PPME1: variants seen among roughly 807,000 people sequenced by gnomAD.
The protein encoded by PPME1 is testicular secretory protein Li 39.
A neutral mutation model predicts 56.9 loss-of-function variants in PPME1; 17 were observed. The ratio of observed to expected loss-of-function variants is 0.30; its 90% CI spans 0.20 to 0.45. PPME1 has a LOEUF of 0.45. Among genes scored for constraint, PPME1 ranks in the 20% least tolerant of loss-of-function variants. The probability of loss-of-function intolerance (pLI) is 1.00; values close to 1 mark genes in which losing one functional copy is unlikely to be tolerated. For missense variants in PPME1, 357 were observed against 483.2 expected, an observed-to-expected ratio of 0.74 and a Z score of 2.45; for synonymous variants, 122 against 156.2, an observed-to-expected ratio of 0.78 and a Z score of 1.63.
intron 13 of PPME1, chr11:74,252,472 T>G (rs2135687774): frequency 2.2e-6 from 1 of 456,308 alleles, no homozygotes; most frequent in South Asian, 1.6e-5. Context: ...ATGGAATGGG[T>G]GCCTCTGCCA....
At chr11:74,237,650 C>T (rs1384281274) in intron 8 of PPME1, 1 of 152,058 alleles carries the variant, frequency 6.6e-6, no homozygotes, top group Non-Finnish European at 1.5e-5. Flanking sequence ...TGCACTATCT[C>T]ATTTAATCCC....
chr11:74,244,809 C>T (rs903857071), intron 9 of PPME1, among the ~76,000 whole-genome samples: 13 of 152,116 alleles, frequency 8.5e-5, no homozygotes, highest in Non-Finnish European at 1.5e-4. Context: ...GCTTTTCCTC[C>T]ATGTTTTCTT....
chr11:74,175,938 G>C (rs1857391369), intron 1 of PPME1, among the ~76,000 whole-genome samples: 1 of 152,132 alleles, frequency 6.6e-6, no homozygotes, highest in South Asian at 2.1e-4. Flanking sequence ...GCATTGAAGG[G>C]TTTGATATTT....
chr11:74,229,981 T>C (rs1859026020), intron 5 of PPME1, among the ~76,000 whole-genome samples: 2 of 152,236 alleles, frequency 1.3e-5, no homozygotes, highest in Admixed American at 1.3e-4. Context: ...TGTGGAACAG[T>C]GAAAGTGTGA....
intron 11 of PPME1, chr11:74,250,701 T>A (rs1859635077): frequency 8.9e-6 from 4 of 451,174 alleles, no homozygotes; most frequent in Non-Finnish European, 1.6e-5. Context: ...AAGAACTGTT[T>A]CTTCTATGTG....
At chr11:74,210,953 T>G (rs1314025168) in intron 3 of PPME1, among the ~76,000 whole-genome samples, 1 of 152,210 alleles carries the variant, frequency 6.6e-6, no homozygotes, top group Non-Finnish European at 1.5e-5. Flanking sequence ...ACAATTATTA[T>G]GTGAAGATAT....
intron 1 of PPME1, among the ~76,000 whole-genome samples, chr11:74,182,347 C>T (rs1459485069): frequency 1.3e-5 from 2 of 151,848 alleles, no homozygotes; most frequent in African/African-American, 4.8e-5. Flanking sequence ...TTCTTTTTTA[C>T]ATTTAAATTG....
chr11:74,227,760 T>C (rs922030294), intron 5 of PPME1, among the ~76,000 whole-genome samples: 8 of 152,164 alleles, frequency 5.3e-5, no homozygotes, highest in African/African-American at 1.9e-4. Flanking sequence ...TCAGGACTTA[T>C]CTCAAGTAAG....
At chr11:74,225,735 A>G (rs1273021844) in intron 5 of PPME1, among the ~76,000 whole-genome samples, 3 of 152,216 alleles carry the variant, frequency 2.0e-5, no homozygotes, top group Non-Finnish European at 4.4e-5. Flanking sequence ...TGAATGTAAC[A>G]TGTACAGTGG....
rs755994928 is a variant in PPME1, at chr11:74,210,943, A to G, written c.288+6498A>G. 3.3e-5 allele frequency among the ~76,000 whole-genome samples: 5 copies of G among 152,232 alleles called. 1 individual carries two copies. The South Asian group carries it at 8.3e-4, about 25-fold the overall frequency. The stretch of plus-strand genomic sequence containing the variant: ...TAAATATTTGAAAAAAGTAGCTAGA[A>G]CAATTATTATGTGAAGATATTCTCT... On this transcript the variant is annotated intron_variant, in intron 3 of 13. Transcript: ENST00000328257.
At chr11:74,189,552 G>T (rs1383610661) in intron 1 of PPME1, among the ~76,000 whole-genome samples, 4 of 152,210 alleles carry the variant, frequency 2.6e-5, no homozygotes, top group Non-Finnish European at 4.4e-5. Flanking sequence ...GCCTCCCAAA[G>T]TGCCGGGATT....
At chr11:74,208,110 G>A (rs561608114) in intron 3 of PPME1, among the ~76,000 whole-genome samples, 1 of 152,126 alleles carries the variant, frequency 6.6e-6, no homozygotes, top group South Asian at 2.1e-4. Flanking sequence ...TCAGGAGATC[G>A]AGACAATCCT....
intron 1 of PPME1, among the ~76,000 whole-genome samples, chr11:74,190,160 A>G (rs1857796151): frequency 6.6e-6 from 1 of 152,244 alleles, no homozygotes; most frequent in African/African-American, 2.4e-5. Context: ...ACCTAGCAGC[A>G]TGCATTCTCA....
At chr11:74,179,874 A>C (rs1162855515) in intron 1 of PPME1, among the ~76,000 whole-genome samples, 2 of 152,298 alleles carry the variant, frequency 1.3e-5, no homozygotes, top group Middle Eastern at 6.8e-3. Context: ...CCTTGATTTA[A>C]ATAGCTGGCT....
intron 4 of PPME1, among the ~76,000 whole-genome samples, chr11:74,224,927 A>G (rs1464348870): frequency 1.3e-5 from 2 of 151,562 alleles, no homozygotes; most frequent in African/African-American, 4.9e-5. Context: ...CTAATTGAAT[A>G]CCCTTTATTT....
At chr11:74,231,289 C>G (rs78680352) in intron 7 of PPME1, among the ~76,000 whole-genome samples, 3,450 of 152,278 alleles carry the variant, frequency 0.023, 127 homozygotes, top group African/African-American at 0.077. Context: ...AGTAATCCTC[C>G]TGCTTTAGCC....
In PPME1 at chr11:74,189,699, G is replaced by T. The variant is rs577581578; in HGVS notation, c.102-14029G>T. On this transcript the variant is annotated intron_variant, in intron 1 of 13. Transcript: ENST00000328257. ...CCCTGCAGTTGCATAGTATTCTGTT[G>T]TATGGACATAACCCAGTGTATTCAG... Among the ~76,000 whole-genome samples the T allele has an allele frequency of 7.9e-5, 12 of 152,280 alleles. No homozygotes were observed. In the South Asian group the frequency reaches 2.5e-3, roughly 32 times the overall value.
chr11:74,194,592 ATGAT>A lies in PPME1; in HGVS notation c.102-9133_102-9130del, dbSNP rs532730435. Among the ~76,000 whole-genome samples, 12 of 151,264 alleles carry A rather than the reference ATGAT, an allele frequency of 7.9e-5. No homozygotes were observed. In the East Asian group the frequency reaches 2.1e-3, roughly 27 times the overall value. On this transcript the variant is annotated intron_variant, in intron 1 of 13. Transcript: ENST00000328257. The stretch of plus-strand genomic sequence containing the variant: ...TATAATTATTTAATAATTATACACT[ATGAT>A]TGTATAAATATAACATCTATTTATA...
At chr11:74,247,048 C>A in intron 10 of PPME1, 31 bp from the exon 11 acceptor site, 1 of 1,584,504 alleles carries the variant, frequency 6.3e-7, no homozygotes, top group Non-Finnish European at 8.6e-7. Flanking sequence ...ACAGCAAAAT[C>A]TGTTTCACAA....
Sources: gnomAD v4.1 joint callset for allele counts (sites outside exome capture counted in the v4.1 genomes callset) on GRCh38, gnomAD v4.1.1 for gene constraint, MANE v1.5 for transcripts, NCBI Gene and HGNC (gene_info 2026-07-23, HGNC 2026-07-21) for gene names.